The following UBE4B variants were observed in gnomAD, a reference collection of about 807,000 sequenced individuals.
UBE4B encodes ubiquitination factor E4B, also known as ubiquitin conjugation factor E4 B.
Under a neutral mutation model 148.1 loss-of-function variants are expected in UBE4B, and 27 were observed. The ratio of observed to expected loss-of-function variants is 0.18; its 90% CI spans 0.13 to 0.25. The LOEUF is 0.25. Ranked by LOEUF, UBE4B falls within the 10% of genes least tolerant of loss-of-function variation. The pLI, the probability that UBE4B is intolerant of heterozygous loss-of-function variation, is 1.00. For synonymous variants in UBE4B, 596 were observed against 619.3 expected (o/e 0.96, Z 0.56); for missense variants, 1,170 against 1,662.4 (o/e 0.70, Z 5.15).
intron 21 of UBE4B, among the ~76,000 whole-genome samples, chr1:10,154,490 G>A (rs139775644): frequency 6.6e-6 from 1 of 152,254 alleles, no homozygotes; most frequent in African/African-American, 2.4e-5. Flanking sequence ...AATTACGAAT[G>A]TTTGTAAGTG....
intron 1 of UBE4B, among the ~76,000 whole-genome samples, chr1:10,042,436 C>T (rs987752684): frequency 6.6e-6 from 1 of 151,828 alleles, no homozygotes; most frequent in East Asian, 1.9e-4. Context: ...ATCACGAGGT[C>T]AGGAGTTCGA....
chr1:10,124,425 T>A (rs916519007), intron 10 of UBE4B, among the ~76,000 whole-genome samples: 45 of 152,324 alleles, frequency 3.0e-4, no homozygotes, highest in African/African-American at 1.0e-3. Context: ...TGGCCTCAAG[T>A]GGTCCGCCCA....
chr1:10,069,838 G>A (rs569407189), intron 1 of UBE4B, among the ~76,000 whole-genome samples: 5 of 152,274 alleles, frequency 3.3e-5, no homozygotes, highest in African/African-American at 4.8e-5. Context: ...TGCAGTGTAC[G>A]GATGTCCATT....
chr1:10,092,457 T>A (rs1220655122), intron 2 of UBE4B, among the ~76,000 whole-genome samples: 3 of 151,598 alleles, frequency 2.0e-5, no homozygotes, highest in African/African-American at 7.3e-5. Context: ...ACTCCTGACC[T>A]CATGATCCGC....
chr1:10,173,326 A>G (rs899222760), intron 25 of UBE4B, among the ~76,000 whole-genome samples: 1 of 151,662 alleles, frequency 6.6e-6, no homozygotes, highest in Non-Finnish European at 1.5e-5. Context: ...AAAAAAATAC[A>G]AAAAAATTAG....
chr1:10,045,961 A>G (rs1643905126), intron 1 of UBE4B, among the ~76,000 whole-genome samples: 1 of 152,232 alleles, frequency 6.6e-6, no homozygotes, highest in African/African-American at 2.4e-5. Context: ...ATTTCTCTCT[A>G]AATAGAAGTC....
chr1:10,037,670 A>C (rs958587769), intron 1 of UBE4B, among the ~76,000 whole-genome samples: 10 of 151,310 alleles, frequency 6.6e-5, no homozygotes, highest in African/African-American at 2.2e-4. Context: ...TGATCCTCCC[A>C]CCTCAGCCTC....
At chr1:10,040,863 GC>G (rs1643735171) in intron 1 of UBE4B, among the ~76,000 whole-genome samples, 1 of 151,934 alleles carries the variant, frequency 6.6e-6, no homozygotes, top group Non-Finnish European at 1.5e-5. Flanking sequence ...TAGGTGATCT[GC>G]CTGCCTCAGC....
intron 10 of UBE4B, among the ~76,000 whole-genome samples, chr1:10,123,427 CAAAA>C (rs34527607): frequency 5.6e-5 from 2 of 35,666 alleles, no homozygotes; most frequent in African/African-American, 1.7e-4. Context: ...AAGACTGTCT[CAAAA>C]AAAAAAAAAA....
In UBE4B at chr1:10,161,294, C is replaced by A; in HGVS notation, c.3198+8C>A. The A allele has an allele frequency of 2.5e-6, 4 of 1,613,748 alleles. No individual in the cohort carries two copies. The highest frequency in any genetic ancestry group is 3.4e-6 in the Non-Finnish European group (4 of 1,179,772). ...TGGGACCAGTTGCCCCGGGTGAGGA[C>A]GTGGTCCAGAGGCTTGGACAGCTTT... On this transcript the variant is annotated splice_region_variant and intron_variant, in intron 23 of 27. Transcript: ENST00000343090. This position sits in a 1 kb window ranked among gnomAD's most constrained non-coding sequence, Gnocchi z 4.1.
rs1265032661 is a variant in UBE4B at position 10,126,903 on chromosome 1, C to T, written c.1638+26C>T. ...GTAAAACTTTGTTCTTTTTCTTTAACTCATTCAATAGATGTTTTTCTTTCA... is the reference window on the plus strand; with the variant it reads ...GTAAAACTTTGTTCTTTTTCTTTAATTCATTCAATAGATGTTTTTCTTTCA... On this transcript the variant is annotated intron_variant, in intron 11 of 27. Transcript: ENST00000343090. 3 of 1,555,216 alleles carry T rather than the reference C, an allele frequency of 1.9e-6. No homozygotes were observed. In the African/African-American group the frequency reaches 4.1e-5, roughly 21 times the overall value.
intron 23 of UBE4B, among the ~76,000 whole-genome samples, chr1:10,166,031 C>T (rs1194202561): frequency 6.6e-6 from 1 of 152,180 alleles, no homozygotes; most frequent in Non-Finnish European, 1.5e-5. Flanking sequence ...CTCTGCCTTT[C>T]TTTCAGTAGG....
intron 15 of UBE4B, among the ~76,000 whole-genome samples, chr1:10,134,108 A>G (rs76102619): frequency 0.016 from 2,478 of 152,104 alleles, 59 homozygotes; most frequent in African/African-American, 0.055. Context: ...ACTAATTTTG[A>G]GCCTCAGGCA....
In UBE4B at chr1:10,121,032, A is replaced by G. The variant is rs927192175; in HGVS notation, c.1440-930A>G. Reference sequence around the variant, plus strand: ...TAAAATTAATAAGCCCTCAGCCACTACTAATATTTTTTCCCCCAATTTAGA... The same window carrying G: ...TAAAATTAATAAGCCCTCAGCCACTGCTAATATTTTTTCCCCCAATTTAGA... On this transcript the variant is annotated intron_variant, in intron 9 of 27. Coordinates refer to ENST00000343090, the MANE Select transcript of UBE4B (RefSeq NM_001105562.3). Among the ~76,000 whole-genome samples the G allele has an allele frequency of 3.9e-5, 6 of 152,266 alleles. No individual in the cohort carries two copies. In the South Asian group the frequency reaches 1.0e-3, roughly 26 times the overall value.
At chr1:10,070,163 A>G (rs1644459338) in intron 1 of UBE4B, among the ~76,000 whole-genome samples, 1 of 151,786 alleles carries the variant, frequency 6.6e-6, no homozygotes, top group African/African-American at 2.4e-5. Flanking sequence ...AGTCCCAGCT[A>G]CTTGGGAGGC....
At chr1:10,067,646 C>T (rs1372678490) in intron 1 of UBE4B, among the ~76,000 whole-genome samples, 1 of 150,376 alleles carries the variant, frequency 6.6e-6, no homozygotes, top group African/African-American at 2.5e-5. Flanking sequence ...AGACCCGGCT[C>T]TCACCGGGTT....
intron 8 of UBE4B, 151 bp downstream of exon 8, chr1:10,117,751 T>A: frequency 9.8e-7 from 1 of 1,019,938 alleles, no homozygotes; most frequent in South Asian, 2.0e-5. Context: ...ACTTAGGATG[T>A]GTCGATGAAC....
intron 19 of UBE4B, among the ~76,000 whole-genome samples, chr1:10,148,827 C>G (rs1387865601): frequency 6.6e-6 from 1 of 151,816 alleles, no homozygotes; most frequent in African/African-American, 2.4e-5. Context: ...GTAATCTCAG[C>G]TATTCGGGAG....
At chr1:10,073,403 T>C (rs1570828102) in intron 2 of UBE4B, among the ~76,000 whole-genome samples, 1 of 152,220 alleles carries the variant, frequency 6.6e-6, no homozygotes, top group Non-Finnish European at 1.5e-5. Context: ...TTGAAAACTT[T>C]TGAAATGTCT....
Sources: gnomAD v4.1 joint callset for allele counts (sites outside exome capture counted in the v4.1 genomes callset) on GRCh38, gnomAD v4.1.1 for gene constraint, Gnocchi (gnomAD v3.1) non-coding constraint, MANE v1.5 for transcripts, NCBI Gene and HGNC (gene_info 2026-07-23, HGNC 2026-07-21) for gene names.